The following CAB39 variants were observed in gnomAD, a reference collection of about 807,000 sequenced individuals.
CAB39 encodes calcium binding protein 39, also known as calcium-binding protein 39.
In CAB39, 8 loss-of-function variants were observed where a neutral mutation model predicts 40.0. The observed-to-expected ratio is 0.20, with a 90% confidence interval of 0.12 to 0.36. The LOEUF is 0.36. Among genes scored for constraint, CAB39 ranks in the 10% least tolerant of loss-of-function variants. The probability of loss-of-function intolerance (pLI) is 1.00; values close to 1 mark genes in which losing one functional copy is unlikely to be tolerated. For synonymous variants in CAB39, 156 were observed against 141.6 expected, an observed-to-expected ratio of 1.10 and a Z score of -0.72; for missense variants, 270 against 401.1, an observed-to-expected ratio of 0.67 and a Z score of 2.79.
intron 1 of CAB39, among the ~76,000 whole-genome samples, chr2:230,757,787 T>C (rs1375047053): frequency 6.6e-6 from 1 of 152,146 alleles, no homozygotes; most frequent in Non-Finnish European, 1.5e-5. Context: ...ACACTGTTTA[T>C]GGAGAAGCAA....
chr2:230,788,490 A>G (rs1695834404), intron 2 of CAB39, among the ~76,000 whole-genome samples: 1 of 152,136 alleles, frequency 6.6e-6, no homozygotes, highest in South Asian at 2.1e-4. Flanking sequence ...TAAAAGGGAA[A>G]ATTTTGTTTA....
At chr2:230,753,355 G>T (rs1336157766) in intron 1 of CAB39, among the ~76,000 whole-genome samples, 1 of 152,130 alleles carries the variant, frequency 6.6e-6, no homozygotes, top group African/African-American at 2.4e-5. Context: ...CCCATAGCAG[G>T]TACGGATTGC....
rs1695857706 is a variant in CAB39 at position 230,789,630 on chromosome 2, T to C, written c.115-1242T>C. On this transcript the variant is annotated intron_variant, in intron 2 of 8. Transcript: ENST00000258418. ...CAAGGTTCTGGTTCCTAGCCTTGGC[T>C]ACTTTCCTTACCCATGTGTGGTTAT... Among the ~76,000 whole-genome samples, 3 of 152,246 alleles carry C rather than the reference T, an allele frequency of 2.0e-5. No individual in the cohort carries two copies. The South Asian group carries it at 6.2e-4, about 31-fold the overall frequency.
chr2:230,724,141 G>A (rs1472490593), intron 1 of CAB39, among the ~76,000 whole-genome samples: 1 of 152,022 alleles, frequency 6.6e-6, no homozygotes, highest in Non-Finnish European at 1.5e-5. Context: ...TAGCTACTTG[G>A]GAGGCTGAGG....
intron 1 of CAB39, among the ~76,000 whole-genome samples, chr2:230,732,281 A>G: frequency 6.6e-6 from 1 of 151,876 alleles, no homozygotes; most frequent in Admixed American, 6.6e-5. Context: ...ACGGTGTTTC[A>G]CTGTGTTAGC....
intron 2 of CAB39, among the ~76,000 whole-genome samples, chr2:230,765,053 C>G (rs1237263931): frequency 6.6e-6 from 1 of 152,150 alleles, no homozygotes; most frequent in African/African-American, 2.4e-5. Context: ...GTGGCGCAGT[C>G]TTGGCTCACT....
At chr2:230,741,224 C>G (rs1348769475) in intron 1 of CAB39, among the ~76,000 whole-genome samples, 1 of 152,134 alleles carries the variant, frequency 6.6e-6, no homozygotes. Flanking sequence ...GTTCTCATTC[C>G]CAGACACCAC....
intron 5 of CAB39, among the ~76,000 whole-genome samples, chr2:230,807,931 T>C (rs930872717): frequency 1.1e-4 from 17 of 152,224 alleles, no homozygotes; most frequent in African/African-American, 4.1e-4. Context: ...CAGAACGATT[T>C]AGTCGCAAAA....
intron 8 of CAB39, 123 bp downstream of exon 8, chr2:230,818,020 T>C: frequency 1.2e-6 from 1 of 862,036 alleles, no homozygotes; most frequent in Non-Finnish European, 1.8e-6. Flanking sequence ...ATTCAGTCAC[T>C]TTTCATATTT....
At chr2:230,765,926 T>C (rs1405172026) in intron 2 of CAB39, among the ~76,000 whole-genome samples, 2 of 152,174 alleles carry the variant, frequency 1.3e-5, no homozygotes, top group African/African-American at 4.8e-5. Flanking sequence ...GAAAAACATT[T>C]GAATTTATTA....
chr2:230,773,298 G>GTGTGTA (rs759059088), intron 2 of CAB39, among the ~76,000 whole-genome samples: 1 of 127,780 alleles, frequency 7.8e-6, no homozygotes, highest in African/African-American at 3.3e-5. Flanking sequence ...GGGTGTATGT[G>GTGTGTA]TATATATATA....
At chr2:230,730,736 G>A (rs775943266) in intron 1 of CAB39, among the ~76,000 whole-genome samples, 4 of 152,122 alleles carry the variant, frequency 2.6e-5, no homozygotes, top group Non-Finnish European at 4.4e-5. Flanking sequence ...GAGCCACTGC[G>A]CCCGGCCAAG....
chr2:230,808,627 T>G (rs1696247900), intron 5 of CAB39, among the ~76,000 whole-genome samples: 2 of 152,208 alleles, frequency 1.3e-5, no homozygotes. Context: ...TTGAGTGTAC[T>G]CAGAATAAAC....
chr2:230,755,917 A>G (rs1695180385), intron 1 of CAB39, among the ~76,000 whole-genome samples: 1 of 152,228 alleles, frequency 6.6e-6, no homozygotes, highest in Non-Finnish European at 1.5e-5. Context: ...GGGCATCTCC[A>G]TACTCTAGGG....
rs1384517673 is a variant in CAB39 at position 230,819,978 on chromosome 2, A to G, written c.*1274A>G. ...CTTAGGAAAAGACGACTTCCTAGTC[A>G]TAGGTGTCCTATGGGGAAATTTATT... On this transcript the variant is annotated 3_prime_UTR_variant, in exon 9 of 9. Transcript: ENST00000258418. 1 of 152,690 alleles carries G rather than the reference A, an allele frequency of 6.5e-6. No individual in the cohort carries two copies. Among genetic ancestry groups the G allele is most frequent in the African/African-American group, 2.4e-5 (1 of 41,454 alleles). The allele number at this position is 152,690 out of a possible 1,614,324, so 9.5% of individuals were successfully genotyped here.
intron 1 of CAB39, chr2:230,714,055 A>C (rs982425654): frequency 2.0e-5 from 3 of 152,254 alleles, no homozygotes; most frequent in African/African-American, 7.2e-5. Flanking sequence ...GGATTGCAGA[A>C]GAGGTGTGTG....
At position 230,813,550 on chromosome 2, in the gene CAB39, C is replaced by T. The variant is rs576383631; in HGVS notation, c.628-499C>T. 2.6e-5 allele frequency among the ~76,000 whole-genome samples: 4 copies of T among 152,200 alleles called. No homozygotes were observed. In the South Asian group the frequency reaches 8.3e-4, roughly 32 times the overall value. On this transcript the variant is annotated intron_variant, in intron 6 of 8. Transcript: ENST00000258418. ...ATTTCTCCTCTCTTAATTTCTATTC[C>T]GAATTACTTTTTCTCTTTGCCTGAT...
chr2:230,751,654 G>T (rs1695087526), intron 1 of CAB39, among the ~76,000 whole-genome samples: 1 of 152,020 alleles, frequency 6.6e-6, no homozygotes. Flanking sequence ...ATGTTGCTTT[G>T]TACTCTTGAA....
chr2:230,789,810 CCTCTT>C (rs2124955605), intron 2 of CAB39, among the ~76,000 whole-genome samples: 1 of 152,312 alleles, frequency 6.6e-6, no homozygotes, highest in East Asian at 1.9e-4. Flanking sequence ...ATGGAGAACA[CCTCTT>C]CTGGCTGGCT....
Sources: allele counts gnomAD v4.1 joint callset (sites outside exome capture counted in the v4.1 genomes callset), GRCh38; gene constraint gnomAD v4.1.1; transcripts MANE v1.5; gene names NCBI Gene and HGNC (gene_info 2026-07-23, HGNC 2026-07-21).